The following DOCK9 variants were observed in gnomAD, a reference collection of about 807,000 sequenced individuals.
DOCK9 encodes dedicator of cytokinesis 9.
Under a neutral mutation model 263.3 loss-of-function variants are expected in DOCK9, and 89 were observed. The observed-to-expected ratio is 0.34, with a 90% CI of 0.28 to 0.40. DOCK9 has a LOEUF of 0.40. DOCK9 is among the 10% of genes least tolerant of loss of function. DOCK9 has a pLI of 1.00. For missense variants in DOCK9, 2,140 were observed against 2,603.4 expected, an observed-to-expected ratio of 0.82 and a Z score of 3.87; for synonymous variants, 976 against 973.1, an observed-to-expected ratio of 1.00 and a Z score of -0.06.
intron 9 of DOCK9, among the ~76,000 whole-genome samples, chr13:98,911,276 ATTT>A (rs1010762353): frequency 1.3e-5 from 2 of 152,168 alleles, no homozygotes; most frequent in Non-Finnish European, 2.9e-5. Context: ...ACAAGGATTC[ATTT>A]TTCAGGTTTT....
At position 98,829,251 on chromosome 13, in the gene DOCK9, A is replaced by G; in HGVS notation, c.4965+56T>C. The G allele has an allele frequency of 6.7e-7, 1 of 1,494,526 alleles. No individual in the cohort carries two copies. The highest frequency in any genetic ancestry group is 9.1e-7 in the Non-Finnish European group (1 of 1,099,280). The allele number at this position is 1,494,526 out of a possible 1,614,324, so 92.6% of individuals were successfully genotyped here. ...TTCTCAAAACTGGCTTTTTAAGTGA[A>G]TGGGGCCTCACTGGTTTTTTCAAAA... is the stretch of plus-strand genomic sequence containing the variant. On this transcript the variant is annotated intron_variant, in intron 43 of 52. Coordinates refer to ENST00000682017, the MANE Select transcript of DOCK9 (RefSeq NM_001366683.2). The surrounding 1 kb of genome is among the most constrained non-coding windows in gnomAD (Gnocchi z 4.1).
At position 98,794,530 on chromosome 13, in the gene DOCK9, C is replaced by T; in HGVS notation, c.*96G>A. On this transcript the variant is annotated 3_prime_UTR_variant, in exon 53 of 53. Transcript: ENST00000682017. Reference sequence around the variant, plus strand: ...CCTTTCTCTCCCCTTCCCCTTGGTCCTCCCTGTGCTCGGTCTCCCCAGTGA... The same window carrying T: ...CCTTTCTCTCCCCTTCCCCTTGGTCTTCCCTGTGCTCGGTCTCCCCAGTGA... The T allele has an allele frequency of 2.2e-6, 3 of 1,334,438 alleles. No individual in the cohort carries two copies. Among genetic ancestry groups the T allele is most frequent in the Non-Finnish European group, 3.0e-6 (3 of 983,778 alleles). The allele number at this position is 1,334,438 out of a possible 1,614,324, so 82.7% of individuals were successfully genotyped here.
chr13:98,858,108 C>G (rs777439856), intron 33 of DOCK9: 2 of 151,996 alleles, frequency 1.3e-5, no homozygotes, highest in African/African-American at 2.4e-5. Flanking sequence ...GATGGAAATG[C>G]AATATATCAA....
At chr13:99,025,802 A>G (rs1176974463) in intron 1 of DOCK9, among the ~76,000 whole-genome samples, 2 of 152,254 alleles carry the variant, frequency 1.3e-5, no homozygotes, top group Admixed American at 6.5e-5. Flanking sequence ...ACAAATGTCC[A>G]TCAATTGATA....
At chr13:98,987,998 G>A (rs896640226) in intron 1 of DOCK9, among the ~76,000 whole-genome samples, 1 of 151,964 alleles carries the variant, frequency 6.6e-6, no homozygotes, top group African/African-American at 2.4e-5. Context: ...GTTAACAGTA[G>A]TGTGTCAGAA....
At chr13:98,978,165 C>T (rs181862148), upstream of DOCK9, 12 of 1,263,150 alleles carry the variant, frequency 9.5e-6, no homozygotes, top group Admixed American at 3.9e-4. Context: ...AAAACAAACT[C>T]CAAGCTGAAC....
Position 98,872,396 on chromosome 13 carries a change from G to C in DOCK9, c.2944-4019C>G, listed in dbSNP as rs373933499. Among the ~76,000 whole-genome samples the C allele has an allele frequency of 3.0e-4, 40 of 132,866 alleles. 1 individual carries two copies. Among genetic ancestry groups the C allele is most frequent in the African/African-American group, 1.1e-3 (40 of 37,142 alleles). The allele number at this position is 132,866 out of a possible 152,430, so 87.2% of individuals were successfully genotyped here. On this transcript the variant is annotated intron_variant, in intron 27 of 52. Transcript: ENST00000682017. ...CTATTTTCTTCTACAACTTGGTTTT[G>C]TTTTTGTTTTTGTTTTTTGTTTTTT...
intron 1 of DOCK9, among the ~76,000 whole-genome samples, chr13:98,968,552 G>A (rs980559133): frequency 2.6e-5 from 4 of 152,088 alleles, no homozygotes; most frequent in African/African-American, 7.2e-5. Context: ...CCCTGGAGGC[G>A]GGGGTTGCAG....
intron 47 of DOCK9, chr13:98,808,553 G>C (rs2090973216): frequency 2.2e-6 from 2 of 899,714 alleles, no homozygotes; most frequent in East Asian, 5.1e-5. Context: ...AAGCTAGCAT[G>C]AAACAAAAAA....
At chr13:98,936,644 AAG>A (rs1336946184) in intron 2 of DOCK9, among the ~76,000 whole-genome samples, 1 of 151,272 alleles carries the variant, frequency 6.6e-6, no homozygotes, top group Non-Finnish European at 1.5e-5. Context: ...AAAAGAAAGA[AAG>A]AAAAGAATGA....
At chr13:98,910,995 A>C (rs1232468504) in intron 9 of DOCK9, among the ~76,000 whole-genome samples, 1 of 152,096 alleles carries the variant, frequency 6.6e-6, no homozygotes, top group Non-Finnish European at 1.5e-5. Context: ...AGACACCCTG[A>C]AGGGGGATGA....
intron 1 of DOCK9, chr13:99,015,523 C>T (rs764058800): frequency 6.3e-7 from 1 of 1,598,320 alleles, no homozygotes; most frequent in African/African-American, 1.3e-5. Context: ...ATTATTCTCT[C>T]CTTGCTGTTT....
chr13:98,878,270 C>A (rs1201354031), intron 27 of DOCK9, among the ~76,000 whole-genome samples: 1 of 152,184 alleles, frequency 6.6e-6, no homozygotes, highest in Non-Finnish European at 1.5e-5. Flanking sequence ...TTTATTATGG[C>A]AACCCTAGCA....
chr13:98,930,064 A>G (rs2053655643), intron 3 of DOCK9, 104 bp downstream of exon 3: 3 of 1,024,696 alleles, frequency 2.9e-6, no homozygotes, highest in Non-Finnish European at 4.4e-6. Context: ...TAGAAATACA[A>G]TTACCCTTTT....
chr13:98,920,770 C>T (rs2051832653), intron 7 of DOCK9, among the ~76,000 whole-genome samples, 184 bp downstream of exon 7: 1 of 152,238 alleles, frequency 6.6e-6, no homozygotes, highest in Non-Finnish European at 1.5e-5. Context: ...ATAATTCTGC[C>T]TCTACATTAT....
chr13:99,055,782 T>C (rs1425785171), intron 1 of DOCK9, among the ~76,000 whole-genome samples: 1 of 151,756 alleles, frequency 6.6e-6, no homozygotes, highest in African/African-American at 2.4e-5. Flanking sequence ...GTACAGCCTT[T>C]CTCCAGCCTT....
chr13:99,068,306 G>A (rs796728133), intron 1 of DOCK9, among the ~76,000 whole-genome samples: 10 of 152,308 alleles, frequency 6.6e-5, no homozygotes, highest in African/African-American at 1.9e-4. Context: ...TACCCTGGCC[G>A]GGCGCAGTGG....
chr13:98,932,083 C>G (rs2140316474), intron 2 of DOCK9, among the ~76,000 whole-genome samples: 1 of 152,188 alleles, frequency 6.6e-6, no homozygotes, highest in Admixed American at 6.5e-5. Context: ...GGACTGTAAC[C>G]CTTAGGTACT....
intron 1 of DOCK9, among the ~76,000 whole-genome samples, chr13:98,964,488 G>A (rs2059001120): frequency 6.6e-6 from 1 of 152,204 alleles, no homozygotes; most frequent in African/African-American, 2.4e-5. Flanking sequence ...CAGGGAGCAT[G>A]TGCATGGATG....
Sources: gnomAD v4.1 joint callset for allele counts (sites outside exome capture counted in the v4.1 genomes callset) on GRCh38, gnomAD v4.1.1 for gene constraint, Gnocchi (gnomAD v3.1) non-coding constraint, MANE v1.5 for transcripts, NCBI Gene and HGNC (gene_info 2026-07-23, HGNC 2026-07-21) for gene names.